The following PFKM variants were observed in gnomAD, a reference collection of about 807,000 sequenced individuals.
PFKM encodes ATP-dependent 6-phosphofructokinase, muscle type.
A neutral mutation model predicts 95.5 loss-of-function variants in PFKM; 58 were observed. That is an observed-to-expected ratio of 0.61 (90% CI 0.49 to 0.76). The LOEUF (loss-of-function observed/expected upper bound fraction) is 0.76. Among genes scored for constraint, PFKM ranks in the 30% least tolerant of loss-of-function variants. The pLI is 0.00. For synonymous variants in PFKM, 336 were observed against 357.2 expected (o/e 0.94, Z 0.67); for missense variants, 678 against 1,005.4 (o/e 0.67, Z 4.40).
At chr12:48,120,092 T>G (rs1948095866) in intron 1 of PFKM, among the ~76,000 whole-genome samples, 1 of 152,184 alleles carries the variant, frequency 6.6e-6, no homozygotes, top group African/African-American at 2.4e-5. Context: ...GATGTCTTGT[T>G]TTTTCCTTTC....
rs944232764 is a variant in PFKM at position 48,133,428 on chromosome 12, G to C, written c.541G>C (p.Ala181Pro). 1.9e-6 allele frequency: 3 copies of C among 1,614,012 alleles called. No individual in the cohort carries two copies. Among genetic ancestry groups the C allele is most frequent in the Non-Finnish European group, 2.5e-6 (3 of 1,180,004 alleles). Reference sequence around the variant, plus strand: ...CGATATGACCATTGGCACTGACTCTGCCCTGCATCGGATCATGGAAATTGT... The same window carrying C: ...CGATATGACCATTGGCACTGACTCTCCCCTGCATCGGATCATGGAAATTGT... ...GTDMTIGTDS[A>P]LHRIMEIVDA... Residue 181 changes from alanine to proline, a missense_variant, in exon 6 of 23, where the codon GCC becomes CCC. Ala to Pro is a conservative substitution (Grantham distance 27, BLOSUM62 -1). Transcript: ENST00000359794.
chr12:48,111,080 CT>C (rs1160163377), intron 3 of PFKM, among the ~76,000 whole-genome samples: 1 of 152,242 alleles, frequency 6.6e-6, no homozygotes, highest in East Asian at 1.9e-4. Context: ...GCAGATCCAA[CT>C]GCCCACTAGA....
chr12:48,126,614 G>T (rs1198875644), intron 2 of PFKM, among the ~76,000 whole-genome samples: 1 of 152,018 alleles, frequency 6.6e-6, no homozygotes, highest in African/African-American at 2.4e-5. Context: ...CTTAACCCTG[G>T]GTATACCAAC....
intron 7 of PFKM, 84 bp from the exon 8 acceptor site, chr12:48,134,637 G>A (rs1949891424): frequency 7.0e-6 from 7 of 1,005,320 alleles, no homozygotes; most frequent in South Asian, 1.3e-5. Context: ...TATCAACTAT[G>A]AGGACTAGGA....
intron 15 of PFKM, 67 bp downstream of exon 15, chr12:48,141,448 T>C: frequency 1.5e-6 from 2 of 1,365,946 alleles, no homozygotes; most frequent in Non-Finnish European, 2.1e-6. Context: ...TGTGGGTTCA[T>C]TATGCCATGG....
upstream of PFKM, among the ~76,000 whole-genome samples, chr12:48,117,212 T>C (rs11168413): frequency 0.24 from 36,687 of 152,204 alleles, 4,814 homozygotes; most frequent in Non-Finnish European, 0.31. Flanking sequence ...TATAGCTGTA[T>C]CACAGTTTGT....
intron 10 of PFKM, among the ~76,000 whole-genome samples, chr12:48,137,017 A>G (rs956808585): frequency 6.8e-6 from 1 of 147,618 alleles, no homozygotes; most frequent in Admixed American, 6.7e-5. Flanking sequence ...GCCTCCCAAA[A>G]CATTGGGATT....
chr12:48,129,318 C>G (rs1949203614), intron 2 of PFKM, among the ~76,000 whole-genome samples: 1 of 141,162 alleles, frequency 7.1e-6, no homozygotes, highest in African/African-American at 2.7e-5. Context: ...AGCTTGACCT[C>G]CCAAAGTACT....
Position 48,133,348 on chromosome 12 carries a change from G to C in PFKM, c.461G>C (p.Ser154Thr), listed in dbSNP as rs774428691. 18 of 1,614,040 alleles carry C rather than the reference G, an allele frequency of 1.1e-5. No individual in the cohort carries two copies. Among genetic ancestry groups the C allele is most frequent in the Admixed American group, 1.7e-5 (1 of 60,008 alleles). Reference protein sequence around the residue: ...KITDEEATKSSYLNIVGLVGS... With the variant: ...KITDEEATKSTYLNIVGLVGS... ...ACAGATGAGGAGGCTACGAAGTCCA[G>C]CTACCTGAACATTGTGGGCCTGGTT... Residue 154 changes from serine (S) to threonine (T), a missense_variant, in exon 6 of 23, where the codon AGC becomes ACC. By Grantham distance (58) the Ser-to-Thr change is moderately conservative (BLOSUM62 1). Coordinates refer to ENST00000359794, the MANE Select transcript of PFKM (RefSeq NM_000289.6).
At chr12:48,134,152 G>A in intron 6 of PFKM, 80 bp from the exon 7 acceptor site, 2 of 1,128,302 alleles carry the variant, frequency 1.8e-6, no homozygotes, top group Non-Finnish European at 1.4e-6. Flanking sequence ...CCCAGAGAGG[G>A]TAATTGGCCT....
chr12:48,130,694 A>G (rs992993424), intron 3 of PFKM, among the ~76,000 whole-genome samples: 2 of 152,182 alleles, frequency 1.3e-5, no homozygotes, highest in African/African-American at 4.8e-5. Flanking sequence ...TCCTCCTTTT[A>G]TCTCCCTCAA....
upstream of PFKM, chr12:48,105,702 A>C (rs1592537097): frequency 2.1e-6 from 1 of 476,458 alleles, no homozygotes; most frequent in Non-Finnish European, 3.9e-6. Context: ...CGGAATCGCA[A>C]CCGGCCTTTC....
At chr12:48,105,654 C>G (rs991248404), upstream of PFKM, 1 of 432,522 alleles carries the variant, frequency 2.3e-6, no homozygotes, top group African/African-American at 2.0e-5. Context: ...GTGAAAACAG[C>G]TCTCCCCAGA....
At chr12:48,134,369 C>A in intron 7 of PFKM, 93 bp downstream of exon 7, 2 of 1,079,070 alleles carry the variant, frequency 1.9e-6, no homozygotes, top group Non-Finnish European at 2.9e-6. Context: ...TCAGTAGCAG[C>A]AGATCTGGAG....
chr12:48,136,546 T>C (rs1455283218), intron 10 of PFKM, among the ~76,000 whole-genome samples: 1 of 152,144 alleles, frequency 6.6e-6, no homozygotes, highest in Non-Finnish European at 1.5e-5. Flanking sequence ...GGAGTTCAAT[T>C]GGGTTGTATG....
In PFKM at chr12:48,145,745, TG is replaced by T; in HGVS notation, c.*39del. On this transcript the variant is annotated 3_prime_UTR_variant, in exon 23 of 23. Coordinates refer to ENST00000359794, the MANE Select transcript of PFKM (RefSeq NM_000289.6). The surrounding 1 kb of genome is among the most constrained non-coding windows in gnomAD (Gnocchi z 4.3). ...GTGAGGGGAATAGATTACCTGATCATGGTCAGCTCACACCCTAATAAGTCCA... is the reference window on the plus strand; with the variant it reads ...GTGAGGGGAATAGATTACCTGATCATGTCAGCTCACACCCTAATAAGTCCA... The T allele has an allele frequency of 1.2e-6, 2 of 1,606,854 alleles. No individual in the cohort carries two copies. Among genetic ancestry groups the T allele is most frequent in the Non-Finnish European group, 1.7e-6 (2 of 1,173,506 alleles).
intron 3 of PFKM, among the ~76,000 whole-genome samples, chr12:48,111,796 C>T (rs573802491): frequency 2.0e-5 from 3 of 151,984 alleles, no homozygotes; most frequent in Admixed American, 1.3e-4. Flanking sequence ...TGTGGGAGGC[C>T]GGATGGAAGT....
intron 2 of PFKM, among the ~76,000 whole-genome samples, chr12:48,125,013 G>A: frequency 6.6e-6 from 1 of 152,150 alleles, no homozygotes; most frequent in Non-Finnish European, 1.5e-5. Context: ...ATCCATAGAG[G>A]TCACAGCTTT....
intron 13 of PFKM, 56 bp downstream of exon 13, chr12:48,139,968 C>A: frequency 8.8e-7 from 1 of 1,137,736 alleles, no homozygotes; most frequent in Non-Finnish European, 1.3e-6. Flanking sequence ...CCCAGTCTCT[C>A]TTCATAAATG....
Sources: gnomAD v4.1 joint callset for allele counts (sites outside exome capture counted in the v4.1 genomes callset) on GRCh38, gnomAD v4.1.1 for gene constraint, Gnocchi (gnomAD v3.1) non-coding constraint, MANE v1.5 for transcripts, NCBI Gene and HGNC (gene_info 2026-07-23, HGNC 2026-07-21) for gene names.